The following FER variants were observed in gnomAD, a reference collection of about 807,000 sequenced individuals.
FER encodes tyrosine-protein kinase Fer.
In FER, 63 loss-of-function variants were observed where a neutral mutation model predicts 111.0. The observed-to-expected ratio is 0.57, with a 90% confidence interval of 0.46 to 0.70. The LOEUF (loss-of-function observed/expected upper bound fraction) is 0.70. Among genes scored for constraint, FER ranks in the 30% least tolerant of loss-of-function variants. The pLI is 0.00. For missense variants in FER, 914 were observed against 954.0 expected (o/e 0.96, Z 0.55); for synonymous variants, 327 against 313.9 (o/e 1.04, Z -0.44).
At chr5:108,759,311 C>A (rs866417455) in intron 1 of FER, among the ~76,000 whole-genome samples, 1 of 152,176 alleles carries the variant, frequency 6.6e-6, no homozygotes, top group African/African-American at 2.4e-5. Context: ...ATACTTTGTT[C>A]TCATTTCTGT....
At chr5:108,818,637 T>C (rs1483813722) in intron 3 of FER, among the ~76,000 whole-genome samples, 1 of 152,200 alleles carries the variant, frequency 6.6e-6, no homozygotes, top group Non-Finnish European at 1.5e-5. Context: ...GTTAAAGTAG[T>C]CCTATTTCTA....
chr5:108,800,601 C>T (rs1234867404), intron 3 of FER, among the ~76,000 whole-genome samples: 3 of 151,818 alleles, frequency 2.0e-5, no homozygotes, highest in Admixed American at 2.0e-4. Flanking sequence ...AATCCTCCCA[C>T]CTTGGCCTCC....
At chr5:109,002,593 C>A (rs1185774543) in intron 13 of FER, among the ~76,000 whole-genome samples, 1 of 152,114 alleles carries the variant, frequency 6.6e-6, no homozygotes. Flanking sequence ...ACAGCAAAAG[C>A]AATGGCAACA....
chr5:108,949,133 A>G (rs947131551), intron 11 of FER, among the ~76,000 whole-genome samples: 2 of 152,074 alleles, frequency 1.3e-5, no homozygotes, highest in South Asian at 4.1e-4. Context: ...TCATTCAGTT[A>G]TGTTAAGTTG....
chr5:109,109,417 G>T (rs1749333941), intron 17 of FER, among the ~76,000 whole-genome samples: 2 of 151,998 alleles, frequency 1.3e-5, no homozygotes, highest in Admixed American at 1.3e-4. Context: ...GTTCCATGAG[G>T]ACATTGACTT....
intron 13 of FER, among the ~76,000 whole-genome samples, chr5:108,982,092 A>G (rs562052565): frequency 6.6e-6 from 1 of 152,170 alleles, no homozygotes; most frequent in Admixed American, 6.5e-5. Context: ...TCACCTGGGA[A>G]CTTGTTAGAA....
At chr5:108,899,002 T>C (rs17161558) in intron 10 of FER, among the ~76,000 whole-genome samples, 5,737 of 151,822 alleles carry the variant, frequency 0.038, 265 homozygotes, top group African/African-American at 0.11. Flanking sequence ...ATTATAGTTA[T>C]GCTATAGCTG....
intron 16 of FER, among the ~76,000 whole-genome samples, chr5:109,064,062 G>A (rs2149974448): frequency 6.6e-6 from 1 of 152,214 alleles, no homozygotes. Flanking sequence ...ATTTTAAATT[G>A]ATATTTCTTT....
intron 17 of FER, among the ~76,000 whole-genome samples, chr5:109,156,399 TAAAG>T (rs545295927): frequency 1.2e-4 from 18 of 152,106 alleles, no homozygotes; most frequent in East Asian, 7.7e-4. Flanking sequence ...CATTGGCTGA[TAAAG>T]AAAGCAGATT....
intron 2 of FER, among the ~76,000 whole-genome samples, chr5:108,795,658 AT>A (rs1381308351): frequency 6.6e-6 from 1 of 152,152 alleles, no homozygotes; most frequent in Non-Finnish European, 1.5e-5. Context: ...ACACTGATGC[AT>A]TCTTCAGTGC....
At chr5:109,066,405 A>C (rs1250474879) in intron 16 of FER, among the ~76,000 whole-genome samples, 1 of 152,206 alleles carries the variant, frequency 6.6e-6, no homozygotes, top group Non-Finnish European at 1.5e-5. Context: ...GATTTTGTAC[A>C]TAGGTAATTA....
chr5:108,914,944 T>C (rs1752063554), intron 10 of FER, among the ~76,000 whole-genome samples: 1 of 152,166 alleles, frequency 6.6e-6, no homozygotes, highest in East Asian at 1.9e-4. Flanking sequence ...TAGCCAGGAA[T>C]GGTGGTGGCT....
intron 13 of FER, among the ~76,000 whole-genome samples, chr5:109,015,819 T>A (rs2149815413): frequency 6.6e-6 from 1 of 152,156 alleles, no homozygotes; most frequent in Admixed American, 6.6e-5. Flanking sequence ...CATTCAGAAA[T>A]TGGCTTTTTT....
At chr5:109,167,234 T>C (rs1756649235) in intron 17 of FER, among the ~76,000 whole-genome samples, 1 of 152,192 alleles carries the variant, frequency 6.6e-6, no homozygotes, top group Admixed American at 6.6e-5. Context: ...CATGAATGAA[T>C]ATCCTGTTTT....
At chr5:109,005,846 T>A (rs1168795160) in intron 13 of FER, among the ~76,000 whole-genome samples, 1 of 152,236 alleles carries the variant, frequency 6.6e-6, no homozygotes, top group Non-Finnish European at 1.5e-5. Flanking sequence ...CTCACTGTTG[T>A]AAGAATGAAT....
At chr5:108,860,098 C>T (rs939510048) in intron 5 of FER, among the ~76,000 whole-genome samples, 6 of 151,752 alleles carry the variant, frequency 4.0e-5, no homozygotes, top group South Asian at 2.1e-4. Context: ...TGCACCACCA[C>T]GCCCAGCTAA....
Position 109,077,876 on chromosome 5 carries a change from A to T in FER, c.1925-22520A>T, listed in dbSNP as rs149435673. Among the ~76,000 whole-genome samples the T allele has an allele frequency of 5.8e-4, 89 of 152,336 alleles. No homozygotes were observed. In the East Asian group the frequency reaches 0.016, roughly 28 times the overall value. ...AACCCATATAATTAGTTTTTTTGTA[A>T]TCATAAATAATTTGATTTGTTTCAT... On this transcript the variant is annotated intron_variant, in intron 16 of 19. Transcript: ENST00000281092.
At position 109,038,905 on chromosome 5, in the gene FER, G is replaced by C. The variant is rs78769475; in HGVS notation, c.1713+1427G>C. On this transcript the variant is annotated intron_variant, in intron 14 of 19. Coordinates refer to ENST00000281092, the MANE Select transcript of FER (RefSeq NM_005246.4). ...GTTTAGTTTATGCTATAAAGTATTA[G>C]GAGGAATTTATCTCCTTAGACTATT... 3.3e-5 allele frequency among the ~76,000 whole-genome samples: 5 copies of C among 152,028 alleles called. No homozygotes were observed. The East Asian group carries it at 9.6e-4, about 29-fold the overall frequency.
At chr5:108,952,961 A>G (rs531209697) in intron 11 of FER, among the ~76,000 whole-genome samples, 4 of 152,190 alleles carry the variant, frequency 2.6e-5, no homozygotes, top group Non-Finnish European at 5.9e-5. Flanking sequence ...AAGATGTTAC[A>G]TTGAATTTCT....
Sources: allele counts gnomAD v4.1 joint callset (sites outside exome capture counted in the v4.1 genomes callset), GRCh38; gene constraint gnomAD v4.1.1; transcripts MANE v1.5; gene names NCBI Gene and HGNC (gene_info 2026-07-23, HGNC 2026-07-21).